TPR: variants seen among roughly 807,000 people sequenced by gnomAD.
TPR encodes the protein translocated promoter region, nuclear basket protein.
A neutral mutation model predicts 316.1 loss-of-function variants in TPR; 51 were observed. That is an observed-to-expected ratio of 0.16 (90% CI 0.13 to 0.20). The LOEUF (loss-of-function observed/expected upper bound fraction) is 0.20, where lower values mean the gene tolerates loss of function less well. TPR is among the 10% of genes least tolerant of loss of function. The probability of loss-of-function intolerance (pLI) is 1.00; values close to 1 mark genes in which losing one functional copy is unlikely to be tolerated. For synonymous variants in TPR, 981 were observed against 914.7 expected (o/e 1.07, Z -1.31); for missense variants, 2,272 against 2,754.8 (o/e 0.82, Z 3.92).
intron 39 of TPR, among the ~76,000 whole-genome samples, chr1:186,330,004 G>A (rs1460208066): frequency 1.3e-5 from 2 of 151,978 alleles, no homozygotes; most frequent in African/African-American, 4.8e-5. Flanking sequence ...TAACTATGAG[G>A]TATAATGAAG....
intron 17 of TPR, among the ~76,000 whole-genome samples, chr1:186,354,422 T>C (rs930740910): frequency 6.6e-6 from 1 of 152,350 alleles, no homozygotes; most frequent in African/African-American, 2.4e-5. Flanking sequence ...TAATCCTTTT[T>C]TCTTCTATAA....
At chr1:186,335,841 C>T (rs1033170693) in intron 33 of TPR, among the ~76,000 whole-genome samples, 1 of 152,034 alleles carries the variant, frequency 6.6e-6, no homozygotes, top group Non-Finnish European at 1.5e-5. Flanking sequence ...TCATGCAATT[C>T]ATTACTATGA....
In TPR at chr1:186,373,455, A is replaced by G; in HGVS notation, c.160T>C (p.Tyr54His). 1 of 1,611,992 alleles carries G rather than the reference A, an allele frequency of 6.2e-7. No homozygotes were observed. Among genetic ancestry groups the G allele is most frequent in the Non-Finnish European group, 8.5e-7 (1 of 1,178,874 alleles). ...GACAACCTCTTTTCTATTTCAAAAT[A>G]CTGTTGTTCTACAGCAGACAAGCAA... is the stretch of plus-strand genomic sequence containing the variant. Reference protein sequence around the residue: ...EKFKVESEQQYFEIEKRLSHS... With the variant: ...EKFKVESEQQHFEIEKRLSHS... The change falls in exon 2 of 51, where the codon TAT (tyrosine) becomes CAT (histidine). Residue 54 changes from tyrosine to histidine, a missense_variant. Tyr to His is a moderately conservative substitution (Grantham distance 83, BLOSUM62 2). Coordinates refer to ENST00000367478, the MANE Select transcript of TPR (RefSeq NM_003292.3).
In TPR at chr1:186,360,839, A is replaced by G. The variant is rs1473602758; in HGVS notation, c.1025T>C (p.Met342Thr). 1.2e-6 allele frequency: 2 copies of G among 1,612,926 alleles called. No homozygotes were observed. The highest frequency in any genetic ancestry group is 1.7e-4 in the Middle Eastern group (1 of 6,052). ...CTCCAATCTCCCTATTTTCTCAAGC[A>G]TTTCTTTTTCCATTTGATCTTTGGA... ...EQSKDQMEKE[M>T]LEKIGRLEKE... Residue 342 changes from methionine to threonine, a missense_variant, in exon 10 of 51, where the codon ATG becomes ACG. Met to Thr is a moderately conservative substitution (Grantham distance 81). This residue lies in a region of TPR where 549 missense variants were observed against 598.6 expected (regional missense o/e 0.92). Transcript: ENST00000367478.
Position 186,350,384 on chromosome 1 carries a change from T to G in TPR, c.2615A>C (p.Gln872Pro), listed in dbSNP as rs746569043. The G allele has an allele frequency of 3.1e-6, 5 of 1,591,350 alleles. No homozygotes were observed. The Admixed American group carries it at 8.8e-5, about 28-fold the overall frequency. ...CAGTTGTCTCTTTGTATCTAAAAGT[T>G]GAACCTATAAAATACATTAATCTTA... The part of the protein sequence containing the change: ...RHTLTRNLDV[Q>P]LLDTKRQLDT... Residue 872 changes from glutamine to proline, a missense_variant, in exon 21 of 51, where the codon CAA (glutamine) becomes CCA (proline). By Grantham distance (76) the Gln-to-Pro change is moderately conservative (BLOSUM62 -1). Transcript: ENST00000367478.
At chr1:186,358,500 G>T (rs370856455) in intron 13 of TPR, 43 bp downstream of exon 13, 13 of 1,470,816 alleles carry the variant, frequency 8.8e-6, no homozygotes, top group African/African-American at 2.8e-5. Flanking sequence ...TTACTGGGCA[G>T]TCAGGTTTTT....
At chr1:186,364,719 C>G (rs531427210) in intron 4 of TPR, among the ~76,000 whole-genome samples, 1 of 152,170 alleles carries the variant, frequency 6.6e-6, no homozygotes, top group East Asian at 1.9e-4. Flanking sequence ...CAAGAAACAG[C>G]AGATGCTGCT....
At chr1:186,317,115 A>G (rs1657634460) in intron 49 of TPR, among the ~76,000 whole-genome samples, 1 of 152,216 alleles carries the variant, frequency 6.6e-6, no homozygotes, top group African/African-American at 2.4e-5. Flanking sequence ...AGAGGCCTGG[A>G]GTGCCCTAGC....
At chr1:186,352,264 T>C (rs999108784) in intron 18 of TPR, among the ~76,000 whole-genome samples, 154 bp from the exon 19 acceptor site, 6 of 152,258 alleles carry the variant, frequency 3.9e-5, no homozygotes, top group African/African-American at 1.4e-4. Flanking sequence ...CAAAACAGTT[T>C]CATGTGCTAA....
chr1:186,354,905 T>C (rs1658976418), intron 17 of TPR, among the ~76,000 whole-genome samples: 1 of 152,032 alleles, frequency 6.6e-6, no homozygotes, highest in African/African-American at 2.4e-5. Flanking sequence ...TTATTTTTAT[T>C]TTATTTTATT....
chr1:186,365,972 C>A (rs768073484), intron 4 of TPR, among the ~76,000 whole-genome samples: 3 of 152,140 alleles, frequency 2.0e-5, no homozygotes, highest in African/African-American at 7.2e-5. Flanking sequence ...CTAGCAGTGT[C>A]AGAAAACATA....
At chr1:186,349,721 AG>A (rs1241135088) in intron 21 of TPR, among the ~76,000 whole-genome samples, 6 of 152,092 alleles carry the variant, frequency 3.9e-5, no homozygotes, top group Admixed American at 2.6e-4. Context: ...CAAGACACAA[AG>A]GCTTCGAACT....
intron 24 of TPR, among the ~76,000 whole-genome samples, chr1:186,345,138 AAAT>A (rs1474835030): frequency 6.6e-6 from 1 of 152,220 alleles, no homozygotes; most frequent in Non-Finnish European, 1.5e-5. Context: ...CATACACTCA[AAAT>A]AATGATACTT....
intron 36 of TPR, among the ~76,000 whole-genome samples, 196 bp downstream of exon 36, chr1:186,334,129 T>C (rs896872438): frequency 6.6e-5 from 10 of 152,172 alleles, no homozygotes; most frequent in Admixed American, 2.0e-4. Context: ...TTTTCCAAAG[T>C]GGATTTCATA....
intron 29 of TPR, 129 bp from the exon 30 acceptor site, chr1:186,339,901 T>A: frequency 2.9e-6 from 2 of 679,046 alleles, no homozygotes; most frequent in East Asian, 3.3e-5. Context: ...AGCATGGAAC[T>A]ACAAGATACT....
Position 186,332,357 on chromosome 1 carries a change from T to C in TPR, c.5456-14A>G, listed in dbSNP as rs1034362980. ...GGGTAGCCGAAACTTTGAAATTATA[T>C]AAATCTTGAATTAGAGCATGATAAT... On this transcript the variant is annotated splice_polypyrimidine_tract_variant and intron_variant, in intron 37 of 50. Coordinates refer to ENST00000367478, the MANE Select transcript of TPR (RefSeq NM_003292.3). 2.5e-6 allele frequency: 4 copies of C among 1,610,584 alleles called. No individual in the cohort carries two copies. Among genetic ancestry groups the C allele is most frequent in the African/African-American group, 2.7e-5 (2 of 74,870 alleles).
intron 12 of TPR, 110 bp from the exon 13 acceptor site, chr1:186,358,760 T>A (rs1157792632): frequency 2.5e-5 from 20 of 803,906 alleles, no homozygotes; most frequent in Non-Finnish European, 2.0e-6. Flanking sequence ...ATACACTAAA[T>A]AAAATCCTAC....
chr1:186,350,753 T>G (rs1167551364), intron 20 of TPR, among the ~76,000 whole-genome samples: 2 of 151,638 alleles, frequency 1.3e-5, no homozygotes, highest in African/African-American at 4.9e-5. Context: ...GACAGGAGAG[T>G]TGCACACACA....
At chr1:186,360,495 A>T in intron 10 of TPR, 131 bp from the exon 11 acceptor site, 1 of 1,007,372 alleles carries the variant, frequency 9.9e-7, no homozygotes, top group Non-Finnish European at 1.4e-6. Flanking sequence ...AATACATGAC[A>T]TCAAAAAGTC....
Sources: gnomAD v4.1 joint callset for allele counts (sites outside exome capture counted in the v4.1 genomes callset) on GRCh38, gnomAD v4.1.1 for gene constraint, gnomAD v4.1.1 regional missense constraint, MANE v1.5 for transcripts, NCBI Gene and HGNC (gene_info 2026-07-23, HGNC 2026-07-21) for gene names.